PCGF5: variants seen among roughly 807,000 people sequenced by gnomAD.
PCGF5 encodes polycomb group RING finger protein 5.
A neutral mutation model predicts 44.3 loss-of-function variants in PCGF5; 9 were observed. The ratio of observed to expected loss-of-function variants is 0.20; its 90% CI spans 0.12 to 0.35. The LOEUF (loss-of-function observed/expected upper bound fraction) is 0.35. PCGF5 is among the 10% of genes least tolerant of loss of function. The pLI, the probability that PCGF5 is intolerant of heterozygous loss-of-function variation, is 1.00. For missense variants in PCGF5, 146 were observed against 305.3 expected (o/e 0.48, Z 3.89); for synonymous variants, 95 against 102.5 (o/e 0.93, Z 0.44).
At chr10:91,226,492 T>C (rs1844844307) in intron 2 of PCGF5, among the ~76,000 whole-genome samples, 1 of 152,128 alleles carries the variant, frequency 6.6e-6, no homozygotes, top group Non-Finnish European at 1.5e-5. Context: ...GGACTACTTA[T>C]GGGTGGGAGG....
chr10:91,206,560 T>A (rs1214751029), intron 1 of PCGF5, among the ~76,000 whole-genome samples: 1 of 152,158 alleles, frequency 6.6e-6, no homozygotes, highest in Non-Finnish European at 1.5e-5. Flanking sequence ...CTTGGCTGCA[T>A]TTCCCCACAG....
rs868355337 is a variant in PCGF5, at chr10:91,249,391, A to G, written c.325+667A>G. ...TTAGTGTATATATATATATATATAT[A>G]TATATATATATATATATATATATAT... On this transcript the variant is annotated intron_variant, in intron 5 of 9. Coordinates refer to ENST00000336126, the MANE Select transcript of PCGF5 (RefSeq NM_032373.5). Among the ~76,000 whole-genome samples the G allele has an allele frequency of 7.9e-4, 84 of 106,462 alleles. No individual in the cohort carries two copies. The South Asian group carries it at 0.013, about 16-fold the overall frequency. The allele number at this position is 106,462 out of a possible 152,430, so 69.8% of individuals were successfully genotyped here.
chr10:91,272,072 G>C (rs991477377), intron 9 of PCGF5, among the ~76,000 whole-genome samples: 1 of 152,152 alleles, frequency 6.6e-6, no homozygotes, highest in Non-Finnish European at 1.5e-5. Flanking sequence ...TGCCAAATTA[G>C]GTGAAGCTAA....
At chr10:91,276,316 A>G (rs1323243950) in intron 9 of PCGF5, among the ~76,000 whole-genome samples, 4 of 152,202 alleles carry the variant, frequency 2.6e-5, no homozygotes, top group Non-Finnish European at 4.4e-5. Flanking sequence ...ATCATTTTCT[A>G]AAATTATTTG....
At chr10:91,201,281 C>G (rs1031258442) in intron 1 of PCGF5, among the ~76,000 whole-genome samples, 1 of 152,182 alleles carries the variant, frequency 6.6e-6, no homozygotes, top group Non-Finnish European at 1.5e-5. Context: ...CTGGGCATCA[C>G]ATGGTGAGGG....
Position 91,164,035 on chromosome 10 carries a change from G to C in PCGF5, c.-184+954G>C, listed in dbSNP as rs1183874729. Among the ~76,000 whole-genome samples the C allele has an allele frequency of 2.0e-5, 3 of 152,254 alleles. No homozygotes were observed. The East Asian group carries it at 5.8e-4, about 29-fold the overall frequency. ...GTGTGCGGCCGTCATAGTACACCCG[G>C]AACGTGTGGCCGTGAGCTCCAGGGC... On this transcript the variant is annotated intron_variant, in intron 1 of 9. Coordinates refer to the PCGF5 transcript ENST00000614189.
intron 7 of PCGF5, among the ~76,000 whole-genome samples, chr10:91,262,493 G>A (rs1040853209): frequency 6.6e-6 from 1 of 152,122 alleles, no homozygotes; most frequent in African/African-American, 2.4e-5. Flanking sequence ...AGACATCAAA[G>A]AAAAGGCAGC....
rs149284993 is a variant in PCGF5, at chr10:91,241,511, C to T, written c.209+931C>T. ...CAAATGCCACTTCCCAGCTACAGGC[C>T]GTATGTCCTCACCACTAGACCCATT... On this transcript the variant is annotated intron_variant, in intron 3 of 9. Coordinates refer to ENST00000336126, the MANE Select transcript of PCGF5 (RefSeq NM_032373.5). Among the ~76,000 whole-genome samples, 96 of 152,164 alleles carry T rather than the reference C, an allele frequency of 6.3e-4. 1 individual carries two copies. Among genetic ancestry groups the T allele is most frequent in the African/African-American group, 2.0e-3 (85 of 41,528 alleles).
At position 91,226,289 on chromosome 10, in the gene PCGF5, T is replaced by TAAAAA. The variant is rs66465569; in HGVS notation, c.112+3327_112+3331dup. 8.0e-4 allele frequency among the ~76,000 whole-genome samples: 60 copies of TAAAAA among 75,142 alleles called. 1 individual carries two copies. Among genetic ancestry groups the TAAAAA allele is most frequent in the South Asian group, 2.3e-3 (4 of 1,730 alleles). 49.3% of individuals were successfully genotyped at this position (75,142 alleles called of 152,430 possible). On this transcript the variant is annotated intron_variant, in intron 2 of 9. Transcript: ENST00000336126. ...GAAAGAGTAATCAAGTTAAGAAATG[T>TAAAAA]AAAAAAAAAAAAAAAAAAAAAAAAA...
At chr10:91,200,389 A>G (rs961293288) in intron 1 of PCGF5, among the ~76,000 whole-genome samples, 46 of 45,722 alleles carry the variant, frequency 1.0e-3, no homozygotes, top group African/African-American at 1.5e-3. Context: ...AATCTAGTTA[A>G]GAGAGAGTGA....
At chr10:91,275,440 AT>A in intron 9 of PCGF5, among the ~76,000 whole-genome samples, 1 of 135,940 alleles carries the variant, frequency 7.4e-6, no homozygotes, top group Non-Finnish European at 1.6e-5. Flanking sequence ...ATAAAACTAC[AT>A]TTTATTTTTT....
At chr10:91,212,690 T>C (rs1308739790) in intron 1 of PCGF5, among the ~76,000 whole-genome samples, 1 of 152,252 alleles carries the variant, frequency 6.6e-6, no homozygotes, top group African/African-American at 2.4e-5. Flanking sequence ...CTGTTTGTTG[T>C]GTTCACACTT....
intron 1 of PCGF5, among the ~76,000 whole-genome samples, chr10:91,165,088 CT>C (rs564869854): frequency 1.3e-3 from 194 of 151,256 alleles, no homozygotes; most frequent in Non-Finnish European, 1.8e-3. Context: ...AAATTCAGTG[CT>C]TTTTTTTTGT....
chr10:91,240,375 A>G, intron 2 of PCGF5, 109 bp from the exon 3 acceptor site: 1 of 634,776 alleles, frequency 1.6e-6, no homozygotes, highest in Non-Finnish European at 2.8e-6. Flanking sequence ...AAATAATGAT[A>G]TTCTACTTGT....
intron 2 of PCGF5, among the ~76,000 whole-genome samples, chr10:91,225,519 T>C (rs1330084616): frequency 6.6e-6 from 1 of 151,460 alleles, no homozygotes; most frequent in Non-Finnish European, 1.5e-5. Context: ...ACACAGAAAG[T>C]AGAGTAAATG....
intron 3 of PCGF5, among the ~76,000 whole-genome samples, chr10:91,243,082 A>G (rs1845371215): frequency 6.6e-6 from 1 of 152,194 alleles, no homozygotes; most frequent in African/African-American, 2.4e-5. Flanking sequence ...TTTTTAAAGG[A>G]TAAGAAGAAA....
intron 5 of PCGF5, 104 bp downstream of exon 5, chr10:91,248,828 A>G: frequency 2.1e-6 from 2 of 962,590 alleles, no homozygotes; most frequent in Non-Finnish European, 3.1e-6. Context: ...TTTTTCCTGC[A>G]CAAAATTCAT....
At chr10:91,235,858 T>C (rs944647197) in intron 2 of PCGF5, among the ~76,000 whole-genome samples, 5 of 152,198 alleles carry the variant, frequency 3.3e-5, no homozygotes, top group African/African-American at 1.2e-4. Context: ...CATTTGGAAC[T>C]GTAAGTCCAA....
chr10:91,217,849 C>T (rs938231283), upstream of PCGF5, among the ~76,000 whole-genome samples: 3 of 152,188 alleles, frequency 2.0e-5, no homozygotes, highest in Non-Finnish European at 4.4e-5. Context: ...TGCAATGGCG[C>T]GATCTTGGCT....
Sources: allele counts gnomAD v4.1 joint callset (sites outside exome capture counted in the v4.1 genomes callset), GRCh38; gene constraint gnomAD v4.1.1; transcripts MANE v1.5; gene names NCBI Gene and HGNC (gene_info 2026-07-23, HGNC 2026-07-21).